The following TSPAN15 variants were observed in gnomAD, a reference collection of about 807,000 sequenced individuals.
The protein encoded by TSPAN15 is tetraspanin 15, also known as tetraspanin-15.
A neutral mutation model predicts 34.5 loss-of-function variants in TSPAN15; 20 were observed. The ratio of observed to expected loss-of-function variants is 0.58; its 90% confidence interval spans 0.41 to 0.84. The LOEUF (loss-of-function observed/expected upper bound fraction) is 0.84, where lower values mean the gene tolerates loss of function less well. TSPAN15 is among the 40% of genes least tolerant of loss of function. TSPAN15 has a pLI of 0.00. For missense variants in TSPAN15, 313 were observed against 386.1 expected, an observed-to-expected ratio of 0.81 and a Z score of 1.59; for synonymous variants, 155 against 153.9, an observed-to-expected ratio of 1.01 and a Z score of -0.05.
At chr10:69,538,610 A>G in the TSPAN15 span, among the ~76,000 whole-genome samples, 64 of 152,318 alleles carry the variant, frequency 4.2e-4, no homozygotes, top group African/African-American at 1.5e-3. Context: ...AAAGTGCATC[A>G]CTCAGCCTGG....
intron 1 of TSPAN15, among the ~76,000 whole-genome samples, chr10:69,474,808 C>T (rs1841581483): frequency 6.6e-6 from 1 of 152,180 alleles, no homozygotes. Flanking sequence ...GAGCTCCAAC[C>T]CCAGACAGAG....
At chr10:69,539,476 G>T in the TSPAN15 span, among the ~76,000 whole-genome samples, 76 of 62,612 alleles carry the variant, frequency 1.2e-3, 1 homozygote, top group Middle Eastern at 6.7e-3. Flanking sequence ...GAAGGAGAAG[G>T]AGAAGGAGAA....
chr10:69,533,152 T>G, the TSPAN15 span, among the ~76,000 whole-genome samples: 1 of 152,166 alleles, frequency 6.6e-6, no homozygotes, highest in Non-Finnish European at 1.5e-5. Context: ...GCACTACCAT[T>G]TGATCCAGCA....
the TSPAN15 span, among the ~76,000 whole-genome samples, chr10:69,548,413 T>G: frequency 1.3e-5 from 2 of 152,240 alleles, no homozygotes; most frequent in African/African-American, 4.8e-5. Flanking sequence ...GGAAGCCCTA[T>G]AATTGAGACA....
intron 1 of TSPAN15, among the ~76,000 whole-genome samples, chr10:69,478,235 C>T (rs558461739): frequency 3.7e-4 from 56 of 151,800 alleles, no homozygotes; most frequent in African/African-American, 1.1e-3. Flanking sequence ...GGATGGGCCT[C>T]GGGACAGAGG....
chr10:69,490,563 A>G (rs57717560), intron 3 of TSPAN15, among the ~76,000 whole-genome samples: 20,126 of 152,190 alleles, frequency 0.13, 1,741 homozygotes, highest in Non-Finnish European at 0.18. Flanking sequence ...TCTAGTAAAA[A>G]TACAAAAAGT....
In TSPAN15 at chr10:69,452,741, G is replaced by T. The variant is rs10998787; in HGVS notation, c.96+1051G>T. ...GGATATCTTCCTATAGGCCAGCTCC[G>T]CCCCTGTCACTCCAGAATCGCTCTC... On this transcript the variant is annotated intron_variant, in intron 1 of 7. Coordinates refer to ENST00000373290, the MANE Select transcript of TSPAN15 (RefSeq NM_012339.5). Among the ~76,000 whole-genome samples the T allele has an allele frequency of 2.0e-5, 3 of 152,200 alleles. No homozygotes were observed. The East Asian group carries it at 5.8e-4, about 29-fold the overall frequency.
chr10:69,490,604 C>T (rs1841947969), intron 3 of TSPAN15, among the ~76,000 whole-genome samples: 1 of 152,102 alleles, frequency 6.6e-6, no homozygotes, highest in Non-Finnish European at 1.5e-5. Flanking sequence ...ATCTGTAATC[C>T]CAGCTACTAG....
At chr10:69,497,488 A>G (rs949075462) in intron 4 of TSPAN15, among the ~76,000 whole-genome samples, 1 of 152,100 alleles carries the variant, frequency 6.6e-6, no homozygotes, top group South Asian at 2.1e-4. Flanking sequence ...CATGTTTCAG[A>G]TGAAATATCC....
the TSPAN15 span, among the ~76,000 whole-genome samples, chr10:69,529,611 C>CCCA: frequency 1.4e-5 from 2 of 147,960 alleles, 1 homozygote; most frequent in Admixed American, 1.4e-4. Flanking sequence ...CAATGTTTCT[C>CCCA]ATTGTTAGGT....
At position 69,483,830 on chromosome 10, in the gene TSPAN15, T is replaced by C. The variant is rs140708891; in HGVS notation, c.236T>C (p.Ile79Thr). The part of the protein sequence containing the change: ...LGVVMFMVSF[I>T]GVLASLRDNL... ...GTCGTCATGTTCATGGTCTCCTTCATTGGTGTGCTGGCGTCCCTCCGTGAC... is the reference window on the plus strand; with the variant it reads ...GTCGTCATGTTCATGGTCTCCTTCACTGGTGTGCTGGCGTCCCTCCGTGAC... The change falls in exon 2 of 8, where the codon ATT (isoleucine) becomes ACT (threonine). Residue 79 changes from isoleucine to threonine, a missense_variant. By Grantham distance (89) the Ile-to-Thr change is moderately conservative (BLOSUM62 -1). Transcript: ENST00000373290. 2.1e-5 allele frequency: 34 copies of C among 1,614,168 alleles called. No homozygotes were observed. The highest frequency in any genetic ancestry group is 1.1e-4 in the African/African-American group (8 of 75,066).
chr10:69,492,984 C>T lies in TSPAN15; in HGVS notation c.358-2610C>T, dbSNP rs191858732. Among the ~76,000 whole-genome samples, 755 of 152,314 alleles carry T rather than the reference C, an allele frequency of 5.0e-3. 19 individuals carry two copies. The highest frequency in any genetic ancestry group is 0.043 in the Admixed American group (664 of 15,308). On this transcript the variant is annotated intron_variant, in intron 3 of 7. Coordinates refer to ENST00000373290, the MANE Select transcript of TSPAN15 (RefSeq NM_012339.5). ...TTAGGCAAGGCCCTGACCCTGGCGG[C>T]ACCCCATGAGTACGTAGCTCAGCCA...
At chr10:69,479,439 C>A (rs752025881) in intron 1 of TSPAN15, among the ~76,000 whole-genome samples, 11 of 152,268 alleles carry the variant, frequency 7.2e-5, no homozygotes, top group Non-Finnish European at 1.2e-4. Flanking sequence ...ACGTGGTTCA[C>A]AAAGCCTGGG....
At chr10:69,470,648 A>G (rs1841485425) in intron 1 of TSPAN15, among the ~76,000 whole-genome samples, 1 of 152,170 alleles carries the variant, frequency 6.6e-6, no homozygotes, top group Non-Finnish European at 1.5e-5. Context: ...GCTACTTGGG[A>G]GGCTAAGGCA....
At chr10:69,523,577 A>G in the TSPAN15 span, 3 of 305,364 alleles carry the variant, frequency 9.8e-6, 1 homozygote, top group East Asian at 4.2e-4. Context: ...TGTACCCGAT[A>G]GGAAGCCAAG....
chr10:69,508,396 ACACCACTGTACTC>A (rs1386800949), downstream of TSPAN15, among the ~76,000 whole-genome samples: 5 of 138,742 alleles, frequency 3.6e-5, no homozygotes, highest in Admixed American at 8.0e-5. Flanking sequence ...AGCCGAGATC[ACACCACTGTACTC>A]CAGCCTGGGC....
intron 3 of TSPAN15, among the ~76,000 whole-genome samples, chr10:69,493,408 G>A (rs1439359103): frequency 6.6e-6 from 1 of 150,828 alleles, no homozygotes; most frequent in African/African-American, 2.4e-5. Flanking sequence ...CAGAGCTGCT[G>A]TTTATCATCA....
At chr10:69,464,650 G>A (rs1048224447) in intron 1 of TSPAN15, among the ~76,000 whole-genome samples, 4 of 152,218 alleles carry the variant, frequency 2.6e-5, no homozygotes, top group African/African-American at 9.6e-5. Flanking sequence ...CAGAACAGGA[G>A]CGTCACCCAT....
At chr10:69,508,001 C>G (rs1005315086), downstream of TSPAN15, among the ~76,000 whole-genome samples, 2 of 152,290 alleles carry the variant, frequency 1.3e-5, no homozygotes, top group East Asian at 3.9e-4. Context: ...TGCCTAATGG[C>G]TGCCGCGCAA....
Sources: allele counts gnomAD v4.1 joint callset (sites outside exome capture counted in the v4.1 genomes callset), GRCh38; gene constraint gnomAD v4.1.1; transcripts MANE v1.5; gene names NCBI Gene and HGNC (gene_info 2026-07-23, HGNC 2026-07-21).